The following CNTN5 variants were observed in gnomAD, a reference collection of about 807,000 sequenced individuals.
The protein encoded by CNTN5 is contactin-5.
CNTN5 carries 77 observed loss-of-function variants against 129.1 expected under a neutral mutation model. That is an observed-to-expected ratio of 0.60 (90% CI 0.50 to 0.72). The LOEUF (loss-of-function observed/expected upper bound fraction) is 0.72, where lower values mean the gene tolerates loss of function less well. Among genes scored for constraint, CNTN5 ranks in the 30% least tolerant of loss-of-function variants. The pLI is 0.00. For synonymous variants in CNTN5, 509 were observed against 465.6 expected (o/e 1.09, Z -1.20); for missense variants, 1,478 against 1,328.8 (o/e 1.11, Z -1.75).
chr11:99,931,500 G>A (rs1342386950), intron 7 of CNTN5, among the ~76,000 whole-genome samples: 1 of 152,110 alleles, frequency 6.6e-6, no homozygotes, highest in Admixed American at 6.5e-5. Context: ...ATTTTTGATT[G>A]TTTAATTGGA....
chr11:100,256,150 T>G (rs551848632), intron 17 of CNTN5, among the ~76,000 whole-genome samples: 110 of 152,312 alleles, frequency 7.2e-4, no homozygotes, highest in African/African-American at 1.9e-3. Flanking sequence ...ATTTGTTTGT[T>G]GAAATAACCT....
intron 3 of CNTN5, among the ~76,000 whole-genome samples, chr11:99,622,073 C>G (rs566836119): frequency 2.6e-5 from 4 of 152,164 alleles, no homozygotes; most frequent in Admixed American, 2.6e-4. Context: ...TTACACCTCC[C>G]CATACCAAGG....
At chr11:99,620,509 T>C (rs886883215) in intron 3 of CNTN5, among the ~76,000 whole-genome samples, 3 of 80,080 alleles carry the variant, frequency 3.7e-5, no homozygotes, top group African/African-American at 9.8e-5. Flanking sequence ...TTTTCTTTTC[T>C]TTTTTTTTTT....
At chr11:99,655,574 G>T (rs1952324997) in intron 3 of CNTN5, among the ~76,000 whole-genome samples, 2 of 152,118 alleles carry the variant, frequency 1.3e-5, no homozygotes, top group East Asian at 1.9e-4. Context: ...AACAGTTGCA[G>T]TGTCAGTAAA....
chr11:99,430,743 G>T (rs1165555431), intron 2 of CNTN5, among the ~76,000 whole-genome samples: 1 of 151,632 alleles, frequency 6.6e-6, no homozygotes, highest in Non-Finnish European at 1.5e-5. Context: ...TTGGGGGGGC[G>T]GGGAGAAAAA....
intron 2 of CNTN5, among the ~76,000 whole-genome samples, chr11:99,359,352 CAG>C (rs1253713007): frequency 6.6e-6 from 1 of 151,988 alleles, no homozygotes; most frequent in Non-Finnish European, 1.5e-5. Flanking sequence ...TTCATGAGGG[CAG>C]AGTCCTCATG....
At chr11:99,636,930 T>G (rs186233273) in intron 3 of CNTN5, among the ~76,000 whole-genome samples, 14,051 of 51,816 alleles carry the variant, frequency 0.27, 2,404 homozygotes, top group Middle Eastern at 0.38. Flanking sequence ...GGAGAATCAC[T>G]TGAGCCCAGG....
At chr11:100,133,453 T>C (rs572402149) in intron 13 of CNTN5, among the ~76,000 whole-genome samples, 1 of 152,228 alleles carries the variant, frequency 6.6e-6, no homozygotes, top group South Asian at 2.1e-4. Context: ...ATAACACCAA[T>C]GAAAATGGCG....
intron 1 of CNTN5, among the ~76,000 whole-genome samples, chr11:99,299,031 A>C (rs1864508285): frequency 6.6e-6 from 1 of 152,190 alleles, no homozygotes; most frequent in South Asian, 2.1e-4. Flanking sequence ...TTATTCTCCA[A>C]AATAAACCTG....
At chr11:99,533,274 T>A (rs976527328) in intron 2 of CNTN5, among the ~76,000 whole-genome samples, 7 of 152,110 alleles carry the variant, frequency 4.6e-5, no homozygotes, top group Admixed American at 6.6e-5. Context: ...AAAACCCAGT[T>A]GGTAAAGTGG....
intron 16 of CNTN5, among the ~76,000 whole-genome samples, chr11:100,236,730 C>G (rs879617550): frequency 3.9e-5 from 6 of 152,114 alleles, no homozygotes; most frequent in Non-Finnish European, 7.4e-5. Flanking sequence ...TATTCTCCCC[C>G]GAAGCTATGC....
chr11:100,022,297 T>G (rs1162126457), intron 9 of CNTN5, among the ~76,000 whole-genome samples: 2 of 152,230 alleles, frequency 1.3e-5, no homozygotes, highest in Non-Finnish European at 2.9e-5. Flanking sequence ...AGTTGGGTCT[T>G]ACTTTTTAAA....
At chr11:99,481,096 G>C (rs1416716931) in intron 2 of CNTN5, among the ~76,000 whole-genome samples, 1 of 151,526 alleles carries the variant, frequency 6.6e-6, no homozygotes. Flanking sequence ...ACAGAGGATT[G>C]GCATTTAAAA....
At chr11:99,842,427 G>T in intron 4 of CNTN5, among the ~76,000 whole-genome samples, 1 of 152,132 alleles carries the variant, frequency 6.6e-6, no homozygotes, top group East Asian at 1.9e-4. Flanking sequence ...AATAACAACT[G>T]ATATTCCTAC....
chr11:99,476,404 T>G (rs866013885), intron 2 of CNTN5, among the ~76,000 whole-genome samples: 10 of 152,130 alleles, frequency 6.6e-5, no homozygotes, highest in Admixed American at 3.9e-4. Flanking sequence ...ACATTTCTAT[T>G]CCTAATGTAA....
At chr11:99,627,804 C>G (rs1208102214) in intron 3 of CNTN5, among the ~76,000 whole-genome samples, 5 of 151,632 alleles carry the variant, frequency 3.3e-5, no homozygotes, top group Non-Finnish European at 4.4e-5. Flanking sequence ...AGAGCACTGA[C>G]AAGTCTTGTG....
chr11:100,144,839 G>T (rs1435807437), intron 13 of CNTN5, among the ~76,000 whole-genome samples: 1 of 150,828 alleles, frequency 6.6e-6, no homozygotes, highest in Non-Finnish European at 1.5e-5. Flanking sequence ...TTAAAAAATT[G>T]ATTATTCTTC....
intron 1 of CNTN5, among the ~76,000 whole-genome samples, chr11:99,247,859 C>T (rs1168823770): frequency 1.3e-5 from 2 of 152,130 alleles, no homozygotes; most frequent in African/African-American, 2.4e-5. Context: ...TCCAGTCTAT[C>T]ATTGTTGGAC....
intron 1 of CNTN5, among the ~76,000 whole-genome samples, chr11:99,292,180 CCT>C (rs966683421): frequency 6.6e-6 from 1 of 151,126 alleles, no homozygotes; most frequent in African/African-American, 2.4e-5. Flanking sequence ...TATTGATGGT[CCT>C]CTCAATAGAA....
Sources: allele counts gnomAD v4.1 joint callset (sites outside exome capture counted in the v4.1 genomes callset), GRCh38; gene constraint gnomAD v4.1.1; transcripts MANE v1.5; gene names NCBI Gene and HGNC (gene_info 2026-07-23, HGNC 2026-07-21).